The following SEPTIN9 variants were observed in gnomAD, a reference collection of about 807,000 sequenced individuals.
SEPTIN9 encodes septin-9.
A neutral mutation model predicts 56.6 loss-of-function variants in SEPTIN9; 13 were observed. The observed-to-expected ratio is 0.23, with a 90% CI of 0.15 to 0.37. SEPTIN9 has a LOEUF of 0.37. Among genes scored for constraint, SEPTIN9 ranks in the 10% least tolerant of loss-of-function variants. The pLI is 1.00. For synonymous variants in SEPTIN9, 332 were observed against 334.1 expected, an observed-to-expected ratio of 0.99 and a Z score of 0.07; for missense variants, 650 against 823.1, an observed-to-expected ratio of 0.79 and a Z score of 2.57.
At chr17:77,358,451 T>G (rs987292581) in intron 2 of SEPTIN9, among the ~76,000 whole-genome samples, 4 of 151,918 alleles carry the variant, frequency 2.6e-5, no homozygotes, top group African/African-American at 9.7e-5. Context: ...TAAAACCCCA[T>G]CTCTACAAAA....
rs749181876 is a variant in SEPTIN9 at position 77,499,267 on chromosome 17, C to T, written c.*609C>T. The T allele has an allele frequency of 1.7e-6, 1 of 597,580 alleles. No homozygotes were observed. Among genetic ancestry groups the T allele is most frequent in the Non-Finnish European group, 3.2e-6 (1 of 308,844 alleles). 37.0% of individuals were successfully genotyped at this position (597,580 alleles called of 1,614,324 possible). A position where few individuals can be genotyped will look rare whatever the true frequency, so the allele number is the denominator to read the frequency against. ...CCACTCCAAGCCCCCTGGCAGCTGC[C>T]CCTCCTGGAGCAGAAAGTGCCTTTA... On this transcript the variant is annotated 3_prime_UTR_variant, in exon 12 of 12. Coordinates refer to ENST00000427177, the MANE Select transcript of SEPTIN9 (RefSeq NM_001113491.2).
intron 1 of SEPTIN9, among the ~76,000 whole-genome samples, chr17:77,298,914 A>T (rs2031924926): frequency 6.6e-6 from 1 of 152,190 alleles, no homozygotes; most frequent in Non-Finnish European, 1.5e-5. Flanking sequence ...TCTGGGCTCA[A>T]GTGATTCTCT....
intron 3 of SEPTIN9, among the ~76,000 whole-genome samples, chr17:77,411,723 C>T (rs1162057712): frequency 6.6e-6 from 1 of 152,148 alleles, no homozygotes; most frequent in Non-Finnish European, 1.5e-5. Flanking sequence ...CAGGCTTGTC[C>T]AGCTTCCCAC....
chr17:77,347,292 C>T (rs981254027), intron 2 of SEPTIN9, among the ~76,000 whole-genome samples: 10 of 151,360 alleles, frequency 6.6e-5, no homozygotes, highest in Non-Finnish European at 8.8e-5. Flanking sequence ...GCAGGAGAAT[C>T]GCTTGAACCC....
At chr17:77,303,332 G>A (rs985497137) in intron 1 of SEPTIN9, among the ~76,000 whole-genome samples, 7 of 150,366 alleles carry the variant, frequency 4.7e-5, no homozygotes, top group Non-Finnish European at 1.0e-4. Flanking sequence ...AACTGACCTC[G>A]GGTGACTGGC....
intron 2 of SEPTIN9, among the ~76,000 whole-genome samples, chr17:77,397,236 C>A (rs1598307359): frequency 1.3e-5 from 2 of 152,154 alleles, no homozygotes; most frequent in African/African-American, 4.8e-5. Context: ...AGGGGAGGAC[C>A]CTTCCTTGCC....
intron 3 of SEPTIN9, among the ~76,000 whole-genome samples, chr17:77,472,206 G>C (rs2039031168): frequency 6.6e-6 from 1 of 152,214 alleles, no homozygotes; most frequent in African/African-American, 2.4e-5. Context: ...AAAGCGGCGG[G>C]TGGTGTGAGG....
chr17:77,406,664 GT>G (rs1172644333), intron 3 of SEPTIN9, among the ~76,000 whole-genome samples: 4 of 141,168 alleles, frequency 2.8e-5, no homozygotes, highest in Admixed American at 1.4e-4. Flanking sequence ...TTTTTTTTGT[GT>G]TTTTTTTTTG....
intron 2 of SEPTIN9, among the ~76,000 whole-genome samples, chr17:77,312,426 C>T (rs1471167211): frequency 3.3e-5 from 5 of 152,160 alleles, no homozygotes; most frequent in Admixed American, 2.0e-4. Context: ...TCTGAGTGCT[C>T]GGGCCCCCCC....
intron 2 of SEPTIN9, among the ~76,000 whole-genome samples, chr17:77,383,465 C>T (rs1016015576): frequency 3.5e-5 from 5 of 141,346 alleles, no homozygotes; most frequent in African/African-American, 1.4e-4. Flanking sequence ...CACCTGCATC[C>T]ATCCATCACT....
chr17:77,493,765 CTTTTTTTTT>C (rs35829686), intron 10 of SEPTIN9, among the ~76,000 whole-genome samples: 6 of 111,444 alleles, frequency 5.4e-5, no homozygotes, highest in Non-Finnish European at 1.1e-4. Flanking sequence ...CCTCCTCTTC[CTTTTTTTTT>C]TTTTTTTTTT....
chr17:77,364,945 G>T (rs1598258742), intron 2 of SEPTIN9, among the ~76,000 whole-genome samples: 1 of 152,246 alleles, frequency 6.6e-6, no homozygotes, highest in East Asian at 1.9e-4. Flanking sequence ...TGGAAAACCA[G>T]TTCTCTAAAG....
chr17:77,498,378 C>T (rs921804461), intron 11 of SEPTIN9, 145 bp from the exon 12 acceptor site: 7 of 639,858 alleles, frequency 1.1e-5, no homozygotes, highest in Admixed American at 2.8e-5. Flanking sequence ...CTGGGGGACC[C>T]CATGGGGAGC....
At position 77,435,229 on chromosome 17, in the gene SEPTIN9, C is replaced by T. The variant is rs1340046511; in HGVS notation, c.721+32526C>T. Among the ~76,000 whole-genome samples the T allele has an allele frequency of 6.6e-6, 1 of 152,150 alleles. No homozygotes were observed. Among genetic ancestry groups the T allele is most frequent in the Non-Finnish European group, 1.5e-5 (1 of 68,012 alleles). ...GAATGCGGAAAGTCTGGCTTCAGTGCCCCCATCCCTAACCACTGTCATTTA... is the reference window on the plus strand; with the variant it reads ...GAATGCGGAAAGTCTGGCTTCAGTGTCCCCATCCCTAACCACTGTCATTTA... On this transcript the variant is annotated intron_variant, in intron 3 of 11. Transcript: ENST00000427177. The surrounding 1 kb of genome is among the most constrained non-coding windows in gnomAD (Gnocchi z 4.5).
At chr17:77,365,307 C>T (rs1161672887) in intron 2 of SEPTIN9, among the ~76,000 whole-genome samples, 1 of 151,880 alleles carries the variant, frequency 6.6e-6, no homozygotes, top group African/African-American at 2.4e-5. Context: ...CTTGTTTGTA[C>T]CTCTTTCTCT....
chr17:77,465,567 C>T (rs2038677789), intron 3 of SEPTIN9, among the ~76,000 whole-genome samples: 1 of 150,658 alleles, frequency 6.6e-6, no homozygotes, highest in Non-Finnish European at 1.5e-5. Flanking sequence ...ATCTTGAGTC[C>T]AGGCCTCGCT....
At chr17:77,497,278 A>C in intron 10 of SEPTIN9, 37 bp from the exon 11 acceptor site, 1 of 1,602,312 alleles carries the variant, frequency 6.2e-7, no homozygotes, top group East Asian at 2.2e-5. Flanking sequence ...GAGTTTCTCC[A>C]CTGGGACATT....
Position 77,421,755 on chromosome 17 carries a change from T to A in SEPTIN9, c.721+19052T>A, listed in dbSNP as rs533392208. 1.1e-4 allele frequency among the ~76,000 whole-genome samples: 17 copies of A among 152,260 alleles called. No individual in the cohort carries two copies. Among genetic ancestry groups the A allele is most frequent in the African/African-American group, 3.9e-4 (16 of 41,546 alleles). ...CCTCTCACCGTGCCAGGGTGCAGGT[T>A]GCTAGTGGATGGGTCTTCACCCTCG... On this transcript the variant is annotated intron_variant, in intron 3 of 11. Transcript: ENST00000427177. This position sits in a 1 kb window ranked among gnomAD's most constrained non-coding sequence, Gnocchi z 4.6.
chr17:77,490,993 G>A, intron 8 of SEPTIN9, 134 bp downstream of exon 8: 3 of 746,862 alleles, frequency 4.0e-6, no homozygotes, highest in Admixed American at 4.3e-5. Flanking sequence ...CCCAGCGGGT[G>A]GCTGGCCTGG....
Sources: allele counts gnomAD v4.1 joint callset (sites outside exome capture counted in the v4.1 genomes callset), GRCh38; gene constraint gnomAD v4.1.1; non-coding constraint Gnocchi (gnomAD v3.1); transcripts MANE v1.5; gene names NCBI Gene and HGNC (gene_info 2026-07-23, HGNC 2026-07-21).